The following EYS variants were observed in gnomAD, a reference collection of about 807,000 sequenced individuals.
EYS encodes protein eyes shut homolog.
Under a neutral mutation model 282.1 loss-of-function variants are expected in EYS, and 250 were observed. That is an observed-to-expected ratio of 0.89 (90% CI 0.80 to 0.98). EYS has a LOEUF of 0.98. Ranked by LOEUF, EYS falls within the 50% of genes least tolerant of loss-of-function variation. The pLI, the probability that EYS is intolerant of heterozygous loss-of-function variation, is 0.00. For synonymous variants in EYS, 1,355 were observed against 1,282.9 expected, an observed-to-expected ratio of 1.06 and a Z score of -1.20; for missense variants, 4,016 against 3,709.0, an observed-to-expected ratio of 1.08 and a Z score of -2.15.
At chr6:65,566,663 T>A (rs62407713) in intron 2 of EYS, among the ~76,000 whole-genome samples, 15,072 of 152,166 alleles carry the variant, frequency 0.099, 958 homozygotes, top group South Asian at 0.19. Context: ...AACCTCTATA[T>A]TTAATCATGG....
intron 31 of EYS, among the ~76,000 whole-genome samples, chr6:64,177,250 CTTA>C (rs1257368227): frequency 1.3e-5 from 2 of 150,926 alleles, no homozygotes; most frequent in African/African-American, 4.9e-5. Flanking sequence ...CCTTTTTCTC[CTTA>C]TTTTCTTTCT....
At chr6:65,157,416 CCACTGACATTATT>C (rs1189795318) in intron 12 of EYS, among the ~76,000 whole-genome samples, 1 of 150,594 alleles carries the variant, frequency 6.6e-6, no homozygotes, top group Non-Finnish European at 1.5e-5. Flanking sequence ...TACTTACCTA[CCACTGACATTATT>C]CTTATCTCTG....
At chr6:65,574,753 C>T (rs535382486) in intron 2 of EYS, among the ~76,000 whole-genome samples, 1 of 152,054 alleles carries the variant, frequency 6.6e-6, no homozygotes, top group Non-Finnish European at 1.5e-5. Context: ...GAACTATATG[C>T]TTTAGAGCAA....
intron 7 of EYS, among the ~76,000 whole-genome samples, chr6:65,392,312 T>G (rs1433757012): frequency 1.3e-5 from 2 of 151,826 alleles, no homozygotes; most frequent in African/African-American, 2.4e-5. Flanking sequence ...AAAGCCAAAA[T>G]TGACAAATGG....
In EYS at chr6:65,318,495, C is replaced by G. The variant is rs533435134; in HGVS notation, c.1766+16485G>C. On this transcript the variant is annotated intron_variant, in intron 11 of 42. Transcript: ENST00000503581. ...GGCAGGCAGGGTCATTGAGGGTCATCTTGGAGGCTGGTCACCACTGATCCT... is the reference window on the plus strand; with the variant it reads ...GGCAGGCAGGGTCATTGAGGGTCATGTTGGAGGCTGGTCACCACTGATCCT... 5.4e-5 allele frequency among the ~76,000 whole-genome samples: 8 copies of G among 147,024 alleles called. No homozygotes were observed. The East Asian group carries it at 1.6e-3, about 29-fold the overall frequency.
intron 22 of EYS, among the ~76,000 whole-genome samples, chr6:64,782,535 T>A (rs1401474239): frequency 1.3e-5 from 2 of 152,204 alleles, no homozygotes; most frequent in Non-Finnish European, 2.9e-5. Flanking sequence ...AATATACTCT[T>A]TTTCCTTCTA....
At chr6:63,848,583 T>C (rs1772159834) in intron 36 of EYS, among the ~76,000 whole-genome samples, 2 of 151,968 alleles carry the variant, frequency 1.3e-5, no homozygotes, top group Admixed American at 6.6e-5. Flanking sequence ...TGCAAGGGGC[T>C]GGGAACTCCA....
chr6:63,808,256 A>G (rs1317801407), intron 36 of EYS, among the ~76,000 whole-genome samples: 2 of 152,186 alleles, frequency 1.3e-5, no homozygotes, highest in Non-Finnish European at 2.9e-5. Context: ...GAAGACCAAA[A>G]CAGCATGTCA....
At chr6:64,043,505 C>G (rs1770484470) in intron 33 of EYS, among the ~76,000 whole-genome samples, 1 of 152,196 alleles carries the variant, frequency 6.6e-6, no homozygotes, top group African/African-American at 2.4e-5. Flanking sequence ...ACACATGCAC[C>G]ATGTTGGAGC....
intron 7 of EYS, among the ~76,000 whole-genome samples, chr6:65,398,286 G>A (rs1367704439): frequency 1.3e-5 from 2 of 151,822 alleles, no homozygotes; most frequent in African/African-American, 4.8e-5. Flanking sequence ...TATAAAAATA[G>A]ACACATAGAT....
At chr6:64,331,129 T>G (rs998662023) in intron 29 of EYS, among the ~76,000 whole-genome samples, 2 of 152,162 alleles carry the variant, frequency 1.3e-5, no homozygotes, top group African/African-American at 4.8e-5. Flanking sequence ...AGAGCTGAGC[T>G]AATAGCTCTC....
At chr6:65,078,147 G>T (rs961033259) in intron 12 of EYS, among the ~76,000 whole-genome samples, 6 of 152,042 alleles carry the variant, frequency 3.9e-5, no homozygotes, top group African/African-American at 7.2e-5. Context: ...TGCTTAATTT[G>T]TGGAATCTAA....
chr6:63,863,507 T>C (rs1367719822), intron 36 of EYS, among the ~76,000 whole-genome samples: 1 of 152,094 alleles, frequency 6.6e-6, no homozygotes, highest in Non-Finnish European at 1.5e-5. Flanking sequence ...TTTGCCAAAA[T>C]GACATGAAAT....
At chr6:65,544,860 T>C (rs558961386) in intron 2 of EYS, among the ~76,000 whole-genome samples, 5 of 152,178 alleles carry the variant, frequency 3.3e-5, no homozygotes, top group Non-Finnish European at 5.9e-5. Flanking sequence ...TTTTAATAGA[T>C]TATTTTGACA....
intron 2 of EYS, among the ~76,000 whole-genome samples, chr6:65,516,300 ATCTG>A (rs1211312553): frequency 6.6e-6 from 1 of 152,102 alleles, no homozygotes; most frequent in East Asian, 1.9e-4. Context: ...TCTCATGGAA[ATCTG>A]TCTAATTCTA....
chr6:63,723,393 T>C (rs1352666680), intron 42 of EYS, among the ~76,000 whole-genome samples: 1 of 152,192 alleles, frequency 6.6e-6, no homozygotes, highest in Non-Finnish European at 1.5e-5. Flanking sequence ...AAATATACTT[T>C]GTGGCCTGCA....
chr6:65,075,002 A>G (rs183601405), intron 12 of EYS, among the ~76,000 whole-genome samples: 4 of 152,228 alleles, frequency 2.6e-5, no homozygotes, highest in Non-Finnish European at 5.9e-5. Context: ...ATGTAATACA[A>G]GTAGTCATTG....
At chr6:64,014,771 C>T (rs1768806965) in intron 33 of EYS, among the ~76,000 whole-genome samples, 1 of 124,746 alleles carries the variant, frequency 8.0e-6, no homozygotes. Context: ...CTTATTTAGT[C>T]TTTTTTTATT....
Position 65,685,148 on chromosome 6 carries a change from C to T in EYS, c.-448+21987G>A, listed in dbSNP as rs577931064. The stretch of plus-strand genomic sequence containing the variant: ...CATGGGTCACTCTATAAGGGCATAG[C>T]CTATACTAGACAGGTGAGTAGGGAC... On this transcript the variant is annotated intron_variant, in intron 1 of 42. Coordinates refer to ENST00000503581, the MANE Select transcript of EYS (RefSeq NM_001142800.2). Among the ~76,000 whole-genome samples, 7 of 152,070 alleles carry T rather than the reference C, an allele frequency of 4.6e-5. No homozygotes were observed. The South Asian group carries it at 1.5e-3, about 32-fold the overall frequency.
Sources: allele counts gnomAD v4.1 joint callset (sites outside exome capture counted in the v4.1 genomes callset), GRCh38; gene constraint gnomAD v4.1.1; transcripts MANE v1.5; gene names NCBI Gene and HGNC (gene_info 2026-07-23, HGNC 2026-07-21).